The following HERC1 variants were observed in gnomAD, a reference collection of about 807,000 sequenced individuals.
The protein encoded by HERC1 is probable E3 ubiquitin-protein ligase HERC1.
In HERC1, 160 loss-of-function variants were observed where a neutral mutation model predicts 554.3. The ratio of observed to expected loss-of-function variants is 0.29; its 90% CI spans 0.25 to 0.33. The LOEUF (loss-of-function observed/expected upper bound fraction) is 0.33. HERC1 is among the 10% of genes least tolerant of loss of function. The pLI is 1.00. For synonymous variants in HERC1, 2,175 were observed against 2,131.7 expected, an observed-to-expected ratio of 1.02 and a Z score of -0.56; for missense variants, 4,919 against 5,918.5, an observed-to-expected ratio of 0.83 and a Z score of 5.54.
Position 63,637,519 on chromosome 15 carries a change from A to G in HERC1, c.12218T>C (p.Ile4073Thr). 2 of 1,568,972 alleles carry G rather than the reference A, an allele frequency of 1.3e-6. No individual in the cohort carries two copies. Among genetic ancestry groups the G allele is most frequent in the Non-Finnish European group, 1.7e-6 (2 of 1,155,166 alleles). ...NSDDLHVLTV[I>T]SALQGFVVTQ... The stretch of plus-strand genomic sequence containing the variant: ...GACAATTTTACCTTGTAAGGCTGAA[A>G]TAACTGTCAGCACATGAAGGTCATC... Residue 4073 changes from isoleucine (I) to threonine (T), a missense_variant, in exon 64 of 78, where the codon ATT becomes ACT. Coordinates refer to ENST00000443617, the MANE Select transcript of HERC1 (RefSeq NM_003922.4).
chr15:63,731,796 C>T (rs1190916087), intron 14 of HERC1, among the ~76,000 whole-genome samples: 2 of 152,178 alleles, frequency 1.3e-5, no homozygotes, highest in Non-Finnish European at 2.9e-5. Flanking sequence ...CCTGTAAGTG[C>T]TGATGAGTAC....
intron 1 of HERC1, among the ~76,000 whole-genome samples, chr15:63,801,259 G>C (rs867372717): frequency 6.6e-6 from 1 of 152,132 alleles, no homozygotes; most frequent in Admixed American, 6.5e-5. Context: ...AAGGTGAGGG[G>C]GTAGTTGTAG....
intron 70 of HERC1, 61 bp downstream of exon 70, chr15:63,628,616 A>G (rs2068411089): frequency 2.7e-6 from 4 of 1,499,046 alleles, no homozygotes; most frequent in Non-Finnish European, 3.6e-6. Context: ...GCAAGCAGAC[A>G]GTGCCATGGG....
rs533850932 is a variant in HERC1 at position 63,731,476 on chromosome 15, T to C, written c.2868+1448A>G. Among the ~76,000 whole-genome samples the C allele has an allele frequency of 2.0e-5, 3 of 152,340 alleles. No homozygotes were observed. In the East Asian group the frequency reaches 5.8e-4, roughly 29 times the overall value. On this transcript the variant is annotated intron_variant, in intron 14 of 77. Coordinates refer to ENST00000443617, the MANE Select transcript of HERC1 (RefSeq NM_003922.4). ...ATTCCTTTCAACTTTGTTGTAACAT[T>C]CCTTATAACTTTGGGAAAAATTTTT... is the stretch of plus-strand genomic sequence containing the variant.
chr15:63,832,615 CCAAA>C (rs1047396119), intron 1 of HERC1, among the ~76,000 whole-genome samples: 13 of 152,030 alleles, frequency 8.6e-5, no homozygotes, highest in Non-Finnish European at 8.8e-5. Context: ...GGTACTAGAC[CCAAA>C]CAGACAATGT....
rs968950277 is a variant in HERC1 at position 63,742,005 on chromosome 15, T to C, written c.2520+4913A>G. On this transcript the variant is annotated intron_variant, in intron 12 of 77. Coordinates refer to ENST00000443617, the MANE Select transcript of HERC1 (RefSeq NM_003922.4). ...TCCATATGATTTTAGGATCAGCTTA[T>C]CAATTTCTGCCAAACAAAGCCAGCA... Among the ~76,000 whole-genome samples, 5 of 152,326 alleles carry C rather than the reference T, an allele frequency of 3.3e-5. No individual in the cohort carries two copies. In the East Asian group the frequency reaches 5.8e-4, roughly 18 times the overall value.
Position 63,609,101 on chromosome 15 carries a change from C to T in HERC1, c.14566G>A (p.Gly4856Ser). Reference protein sequence around the residue: ...MLSRNVDNAEGSDTDY With the variant: ...MLSRNVDNAESSDTDY ...CACGGTCAGTAGTCAGTGTCGGAGCCCTCGGCGTTGTCCACGTTTCTCGAG... is the reference window on the plus strand; with the variant it reads ...CACGGTCAGTAGTCAGTGTCGGAGCTCTCGGCGTTGTCCACGTTTCTCGAG... The change falls in exon 78 of 78, where the codon GGC becomes AGC. Residue 4856 changes from glycine to serine, a missense_variant. Physicochemically the swap from Gly to Ser is moderately conservative, Grantham distance 56. Around this residue, in one of 11 missense-constraint regions of HERC1, gnomAD observed 71 missense variants for 101.4 expected, o/e 0.70. Transcript: ENST00000443617. The T allele has an allele frequency of 6.2e-7, 1 of 1,613,684 alleles. No individual in the cohort carries two copies. The highest frequency in any genetic ancestry group is 8.5e-7 in the Non-Finnish European group (1 of 1,179,760).
Position 63,658,600 on chromosome 15 carries a change from A to G in HERC1, c.9543T>C (p.Ala3181=). Residue 3181 remains alanine (A), a synonymous_variant, in exon 48 of 78, where the codon GCT becomes GCC. Transcript: ENST00000443617. ...CCATGGTTCTGGCCAGAAGAACCTG[A>G]GCAGCAGCAGTCACTCTCCTTAAAG... ...VVALRRVTAA[A]QVLLARTMVM... 1 of 1,613,932 alleles carries G rather than the reference A, an allele frequency of 6.2e-7. No homozygotes were observed. Among genetic ancestry groups the G allele is most frequent in the Non-Finnish European group, 8.5e-7 (1 of 1,179,802 alleles).
Position 63,781,549 on chromosome 15 carries a change from G to A in HERC1, c.-26-5900C>T, listed in dbSNP as rs1156447870. ...GGCAAACTTAATCGATAAATGGTAC[G>A]TGTTTTGACTGCTCTACCAACCAAC... is the stretch of plus-strand genomic sequence containing the variant. On this transcript the variant is annotated intron_variant, in intron 1 of 77. Coordinates refer to ENST00000443617, the MANE Select transcript of HERC1 (RefSeq NM_003922.4). Among the ~76,000 whole-genome samples the A allele has an allele frequency of 3.3e-5, 5 of 152,106 alleles. No individual in the cohort carries two copies. In the East Asian group the frequency reaches 7.7e-4, roughly 23 times the overall value.
chr15:63,727,457 C>T lies in HERC1; in HGVS notation c.3346+190G>A, dbSNP rs2074087428. 6.6e-6 allele frequency among the ~76,000 whole-genome samples: 1 copy of T among 152,156 alleles called. No homozygotes were observed. Among genetic ancestry groups the T allele is most frequent in the African/African-American group, 2.4e-5 (1 of 41,442 alleles). On this transcript the variant is annotated intron_variant, in intron 17 of 77. Transcript: ENST00000443617. The surrounding 1 kb of genome is among the most constrained non-coding windows in gnomAD (Gnocchi z 4.3). ...CAACTCCAATGCTTTTCCTTTTATGCTCCAGCCCAGGATTCTTTCCAATAA... is the reference window on the plus strand; with the variant it reads ...CAACTCCAATGCTTTTCCTTTTATGTTCCAGCCCAGGATTCTTTCCAATAA...
chr15:63,814,954 A>G (rs2077448422), intron 1 of HERC1, among the ~76,000 whole-genome samples: 1 of 152,262 alleles, frequency 6.6e-6, no homozygotes, highest in Non-Finnish European at 1.5e-5. Flanking sequence ...AAAACTGTAT[A>G]ACCTCAGATC....
Position 63,692,906 on chromosome 15 carries a change from C to A in HERC1, c.5675-340G>T, listed in dbSNP as rs999199152. 6.6e-6 allele frequency among the ~76,000 whole-genome samples: 1 copy of A among 152,158 alleles called. No homozygotes were observed. Among genetic ancestry groups the A allele is most frequent in the African/African-American group, 2.4e-5 (1 of 41,426 alleles). ...TCCAGTTCCCAAATATCAGGACAGG[C>A]GCAATGGCTCACATCTGTAATCCCA... On this transcript the variant is annotated intron_variant, in intron 30 of 77. Coordinates refer to ENST00000443617, the MANE Select transcript of HERC1 (RefSeq NM_003922.4). This position sits in a 1 kb window ranked among gnomAD's most constrained non-coding sequence, Gnocchi z 4.7.
At chr15:63,831,748 T>C (rs1312936059) in intron 1 of HERC1, among the ~76,000 whole-genome samples, 3 of 152,206 alleles carry the variant, frequency 2.0e-5, no homozygotes, top group African/African-American at 7.2e-5. Context: ...ATTTGCACCC[T>C]CTACTAACCC....
intron 2 of HERC1, among the ~76,000 whole-genome samples, chr15:63,770,396 CCT>C (rs1175032002): frequency 6.6e-6 from 1 of 152,118 alleles, no homozygotes; most frequent in Non-Finnish European, 1.5e-5. Context: ...TCTGTGCATC[CCT>C]CTTTCATTAC....
At position 63,638,869 on chromosome 15, in the gene HERC1, T is replaced by C. The variant is rs1216304575; in HGVS notation, c.11902-93A>G. Reference sequence around the variant, plus strand: ...GTCCTCTTCTAATCATTAAGTCTTATTTCCAAAAAAGAATATGGTAATATT... The same window carrying C: ...GTCCTCTTCTAATCATTAAGTCTTACTTCCAAAAAAGAATATGGTAATATT... On this transcript the variant is annotated intron_variant, in intron 61 of 77. Coordinates refer to ENST00000443617, the MANE Select transcript of HERC1 (RefSeq NM_003922.4). The C allele has an allele frequency of 6.9e-6, 6 of 867,624 alleles. No individual in the cohort carries two copies. In the East Asian group the frequency reaches 9.7e-5, roughly 14 times the overall value. 53.7% of individuals were successfully genotyped at this position (867,624 alleles called of 1,614,324 possible).
At chr15:63,724,327 A>C (rs996516661) in intron 18 of HERC1, among the ~76,000 whole-genome samples, 2 of 152,204 alleles carry the variant, frequency 1.3e-5, no homozygotes, top group South Asian at 2.1e-4. Flanking sequence ...TTCTTTAACA[A>C]AATGTTTCAT....
In HERC1 at chr15:63,793,028, G is replaced by A. The variant is rs533307943; in HGVS notation, c.-26-17379C>T. ...GGTTTATAATAAAGGCTATTACAAAGGGTATCAATGAACACCAGATGAAGA... is the reference window on the plus strand; with the variant it reads ...GGTTTATAATAAAGGCTATTACAAAAGGTATCAATGAACACCAGATGAAGA... On this transcript the variant is annotated intron_variant, in intron 1 of 77. Coordinates refer to ENST00000443617, the MANE Select transcript of HERC1 (RefSeq NM_003922.4). 1.2e-4 allele frequency among the ~76,000 whole-genome samples: 19 copies of A among 152,352 alleles called. No individual in the cohort carries two copies. The South Asian group carries it at 3.9e-3, about 32-fold the overall frequency.
At chr15:63,736,710 G>A (rs1342271583) in intron 12 of HERC1, among the ~76,000 whole-genome samples, 1 of 151,974 alleles carries the variant, frequency 6.6e-6, no homozygotes, top group East Asian at 1.9e-4. Context: ...TGGGGTTCAA[G>A]CGATTTTCCT....
chr15:63,729,250 C>G lies in HERC1; in HGVS notation c.3140G>C (p.Gly1047Ala). 2 of 1,598,514 alleles carry G rather than the reference C, an allele frequency of 1.3e-6. No homozygotes were observed. Among genetic ancestry groups the G allele is most frequent in the Non-Finnish European group, 1.7e-6 (2 of 1,175,784 alleles). Residue 1047 changes from glycine (G) to alanine (A), a missense_variant, in exon 16 of 78, where the codon GGA (glycine) becomes GCA (alanine). Gly to Ala is a moderately conservative substitution (Grantham distance 60). Coordinates refer to ENST00000443617, the MANE Select transcript of HERC1 (RefSeq NM_003922.4). ...ACCAAACTCACCTCTTAATTTTTCT[C>G]CAACACTGCCATTCCAAGGACTTTC... ...LKESPWNGSVGEKLRDVIYVS... is the reference protein window; with the variant it reads ...LKESPWNGSVAEKLRDVIYVS...
Sources: allele counts gnomAD v4.1 joint callset (sites outside exome capture counted in the v4.1 genomes callset), GRCh38; gene constraint gnomAD v4.1.1; regional missense constraint gnomAD v4.1.1; non-coding constraint Gnocchi (gnomAD v3.1); transcripts MANE v1.5; gene names NCBI Gene and HGNC (gene_info 2026-07-23, HGNC 2026-07-21).